Variants in STK3 observed in about 807,000 individuals in gnomAD.
STK3 encodes the protein serine/threonine-protein kinase 3.
Under a neutral mutation model 58.0 loss-of-function variants are expected in STK3, and 41 were observed. The ratio of observed to expected loss-of-function variants is 0.71; its 90% CI spans 0.55 to 0.92. STK3 has a LOEUF of 0.92. STK3 is among the 40% of genes least tolerant of loss of function. The pLI is 0.00. For synonymous variants in STK3, 170 were observed against 191.0 expected (o/e 0.89, Z 0.91); for missense variants, 479 against 602.7 (o/e 0.79, Z 2.15).
At chr8:98,519,091 A>G (rs1188142708) in intron 10 of STK3, among the ~76,000 whole-genome samples, 1 of 152,158 alleles carries the variant, frequency 6.6e-6, no homozygotes, top group Non-Finnish European at 1.5e-5. Context: ...AAGGTAATCG[A>G]TGACAATATG....
At chr8:98,789,718 C>A (rs542833922) in intron 1 of STK3, among the ~76,000 whole-genome samples, 2 of 152,130 alleles carry the variant, frequency 1.3e-5, no homozygotes, top group East Asian at 1.9e-4. Context: ...GAATTAGATA[C>A]CCTGAACAGA....
chr8:98,803,410 T>C (rs1833696047), intron 1 of STK3, among the ~76,000 whole-genome samples: 1 of 151,764 alleles, frequency 6.6e-6, no homozygotes, highest in African/African-American at 2.4e-5. Context: ...CTAGCTAACA[T>C]GGTGAAACCC....
chr8:98,489,370 C>T (rs976257098), intron 10 of STK3, among the ~76,000 whole-genome samples: 2 of 152,108 alleles, frequency 1.3e-5, no homozygotes, highest in African/African-American at 4.8e-5. Flanking sequence ...TTGGTAAGAG[C>T]TCTCTTATAT....
intron 6 of STK3, among the ~76,000 whole-genome samples, chr8:98,705,530 TATA>T (rs1487181841): frequency 6.6e-6 from 1 of 152,218 alleles, no homozygotes; most frequent in East Asian, 1.9e-4. Flanking sequence ...ACAATGGCAT[TATA>T]ATATCAGATG....
chr8:98,496,167 G>A (rs1280760275), intron 10 of STK3, among the ~76,000 whole-genome samples: 6 of 152,070 alleles, frequency 3.9e-5, no homozygotes, highest in Admixed American at 1.3e-4. Context: ...CTAGCACAGA[G>A]CAGGTCCTCA....
intron 6 of STK3, among the ~76,000 whole-genome samples, chr8:98,683,700 A>G (rs531792347): frequency 9.8e-5 from 15 of 152,304 alleles, no homozygotes; most frequent in African/African-American, 3.6e-4. Context: ...ACTTCTAACA[A>G]TAATTAGACT....
chr8:98,695,907 A>G (rs1275419930), intron 6 of STK3, among the ~76,000 whole-genome samples: 3 of 152,094 alleles, frequency 2.0e-5, no homozygotes, highest in South Asian at 2.1e-4. Flanking sequence ...GAAGAAAGTC[A>G]TTGGTAGCTT....
At chr8:98,794,542 CAA>C (rs1217018332) in intron 1 of STK3, among the ~76,000 whole-genome samples, 1 of 151,844 alleles carries the variant, frequency 6.6e-6, no homozygotes, top group Non-Finnish European at 1.5e-5. Context: ...ACTTATCAAC[CAA>C]AAAAATCCCT....
chr8:98,372,826 T>C (rs751282166), intron 2 of STK3, among the ~76,000 whole-genome samples: 17 of 152,212 alleles, frequency 1.1e-4, no homozygotes, highest in Non-Finnish European at 1.9e-4. Flanking sequence ...TCCAGCTGCG[T>C]GGCTTTGGGA....
intron 10 of STK3, among the ~76,000 whole-genome samples, chr8:98,497,771 TA>T (rs1458195766): frequency 6.6e-6 from 1 of 152,180 alleles, no homozygotes; most frequent in Non-Finnish European, 1.5e-5. Flanking sequence ...CTAGGATGAC[TA>T]TAATCAAGAA....
chr8:98,374,534 TGCACTGTGTACC>T (rs1364528156), intron 2 of STK3, among the ~76,000 whole-genome samples: 1 of 152,268 alleles, frequency 6.6e-6, no homozygotes, highest in Non-Finnish European at 1.5e-5. Flanking sequence ...GTGGACTATG[TGCACTGTGTACC>T]TGGCTAAACA....
Position 98,800,494 on chromosome 8 carries a change from A to G in STK3, c.26+25021T>C, listed in dbSNP as rs1335429209. Among the ~76,000 whole-genome samples the G allele has an allele frequency of 6.6e-6, 1 of 152,194 alleles. No individual in the cohort carries two copies. Among genetic ancestry groups the G allele is most frequent in the Non-Finnish European group, 1.5e-5 (1 of 68,014 alleles). On this transcript the variant is annotated intron_variant, in intron 1 of 10. Transcript: ENST00000419617. This position sits in a 1 kb window ranked among gnomAD's most constrained non-coding sequence, Gnocchi z 4.8. ...TCGGTGTCCACTCTGGCCACGCTTG[A>G]GGAGCCCTTCAGCCTGCCGCTGCAC...
intron 4 of STK3, among the ~76,000 whole-genome samples, chr8:98,738,921 G>A (rs1012149767): frequency 5.3e-5 from 8 of 152,246 alleles, no homozygotes; most frequent in Non-Finnish European, 7.3e-5. Context: ...CTTAAAAAAC[G>A]GTTCACCAGG....
intron 1 of STK3, among the ~76,000 whole-genome samples, chr8:98,819,814 A>C (rs1430904686): frequency 6.6e-6 from 1 of 152,200 alleles, no homozygotes; most frequent in Non-Finnish European, 1.5e-5. Context: ...TAAATTAGAA[A>C]TATACACATA....
At chr8:98,761,434 C>CTT (rs1830607932) in intron 3 of STK3, among the ~76,000 whole-genome samples, 1 of 152,036 alleles carries the variant, frequency 6.6e-6, no homozygotes, top group South Asian at 2.1e-4. Context: ...CAAAAGGTGA[C>CTT]TTTTTAAATA....
chr8:98,669,639 G>A (rs150341405), intron 6 of STK3, among the ~76,000 whole-genome samples: 9 of 152,230 alleles, frequency 5.9e-5, no homozygotes, highest in Non-Finnish European at 8.8e-5. Flanking sequence ...CATACAGATC[G>A]TCAAGGAAGT....
intron 3 of STK3, among the ~76,000 whole-genome samples, chr8:98,867,252 C>T (rs1461533185): frequency 6.6e-6 from 1 of 151,972 alleles, no homozygotes; most frequent in African/African-American, 2.4e-5. Flanking sequence ...CCTGCCTCTA[C>T]AAAAAATACA....
At position 98,840,148 on chromosome 8, in the gene STK3, A is replaced by G. The variant is rs1256437679; in HGVS notation, c.110+43499T>C. ...GTTCACTTGAGGCCAGGAGTTCAAGACCAGCCTGGCCAACATGGTGAAACC... is the reference window on the plus strand; with the variant it reads ...GTTCACTTGAGGCCAGGAGTTCAAGGCCAGCCTGGCCAACATGGTGAAACC... On this transcript the variant is annotated intron_variant, in intron 3 of 12. Coordinates refer to the STK3 transcript ENST00000523601. Among the ~76,000 whole-genome samples, 8 of 152,156 alleles carry G rather than the reference A, an allele frequency of 5.3e-5. No homozygotes were observed. The South Asian group carries it at 1.0e-3, about 20-fold the overall frequency.
intron 3 of STK3, among the ~76,000 whole-genome samples, chr8:98,756,776 G>C (rs549783910): frequency 6.6e-6 from 1 of 152,258 alleles, no homozygotes; most frequent in African/African-American, 2.4e-5. Flanking sequence ...CCCATGGAAG[G>C]ATGTCTTTCA....
Sources: allele counts gnomAD v4.1 joint callset (sites outside exome capture counted in the v4.1 genomes callset), GRCh38; gene constraint gnomAD v4.1.1; non-coding constraint Gnocchi (gnomAD v3.1); transcripts MANE v1.5; gene names NCBI Gene and HGNC (gene_info 2026-07-23, HGNC 2026-07-21).